The following COL18A1 variants were observed in gnomAD, a reference collection of about 807,000 sequenced individuals.
COL18A1 encodes collagen alpha-1(XVIII) chain.
A neutral mutation model predicts 168.0 loss-of-function variants in COL18A1; 133 were observed. That is an observed-to-expected ratio of 0.79 (90% CI 0.69 to 0.91). The LOEUF is 0.91. Ranked by LOEUF, COL18A1 falls within the 40% of genes least tolerant of loss-of-function variation. COL18A1 has a pLI of 0.00. For missense variants in COL18A1, 2,126 were observed against 1,925.4 expected (o/e 1.10, Z -1.95); for synonymous variants, 949 against 809.0 (o/e 1.17, Z -2.94).
At chr21:45,493,441 G>C in intron 25 of COL18A1, 60 bp from the exon 26 acceptor site, 4 of 1,470,848 alleles carry the variant, frequency 2.7e-6, no homozygotes, top group Non-Finnish European at 3.7e-6. Context: ...TCGGGGCTCT[G>C]GGTGAGGCTT....
At position 45,473,202 on chromosome 21, in the gene COL18A1, G is replaced by T. The variant is rs1377944182; in HGVS notation, c.652-693G>T. Among the ~76,000 whole-genome samples the T allele has an allele frequency of 6.6e-6, 1 of 152,190 alleles. No homozygotes were observed. Among genetic ancestry groups the T allele is most frequent in the Non-Finnish European group, 1.5e-5 (1 of 68,030 alleles). On this transcript the variant is annotated intron_variant, in intron 3 of 41. Coordinates refer to ENST00000651438, the MANE Select transcript of COL18A1 (RefSeq NM_001379500.1). This position sits in a 1 kb window ranked among gnomAD's most constrained non-coding sequence, Gnocchi z 4.0. ...CCTGTGTCCTTGCCCAGCATCCCCG[G>T]CCTGCATCTCACCAGGCACCGCCGG...
intron 2 of COL18A1, among the ~76,000 whole-genome samples, chr21:45,411,778 A>AGGGTGGGGGGGG (rs1569273645): frequency 1.8e-5 from 2 of 108,300 alleles, no homozygotes; most frequent in African/African-American, 8.2e-5. Context: ...GGGGGGGGGC[A>AGGGTGGGGGGGG]GGCTGTGGTC....
rs1022335129 is a variant in COL18A1 at position 45,483,753 on chromosome 21, G to A, written c.1701+932G>A. Among the ~76,000 whole-genome samples, 14 of 152,352 alleles carry A rather than the reference G, an allele frequency of 9.2e-5. No individual in the cohort carries two copies. The East Asian group carries it at 1.4e-3, about 15-fold the overall frequency. Reference sequence around the variant, plus strand: ...CAAGCTCCAGGATGGGGGTGATGAGGGAAGGAAGGCCAGTGGGGAGAGGAG... The same window carrying A: ...CAAGCTCCAGGATGGGGGTGATGAGAGAAGGAAGGCCAGTGGGGAGAGGAG... On this transcript the variant is annotated intron_variant, in intron 15 of 41. Transcript: ENST00000651438.
At chr21:45,440,359 G>A (rs565642242) in intron 2 of COL18A1, among the ~76,000 whole-genome samples, 5 of 152,340 alleles carry the variant, frequency 3.3e-5, no homozygotes, top group Non-Finnish European at 5.9e-5. Flanking sequence ...AGGAAAGCGG[G>A]TGCTTCAGGC....
At chr21:45,405,548 G>A (rs1391898672) in intron 2 of COL18A1, 75 bp downstream of exon 2, 3 of 954,850 alleles carry the variant, frequency 3.1e-6, no homozygotes, top group Non-Finnish European at 4.1e-6. Context: ...GTCCCCGCCC[G>A]GCTCCCTCAC....
At chr21:45,475,190 T>C (rs1252944721) in intron 4 of COL18A1, among the ~76,000 whole-genome samples, 1 of 152,176 alleles carries the variant, frequency 6.6e-6, no homozygotes, top group African/African-American at 2.4e-5. Flanking sequence ...GAGGAGCGCG[T>C]TCCCCCTCCC....
chr21:45,503,331 G>A (rs2036966398), intron 32 of COL18A1, among the ~76,000 whole-genome samples: 1 of 152,014 alleles, frequency 6.6e-6, no homozygotes, highest in African/African-American at 2.4e-5. Context: ...GTGATGATGA[G>A]CATTTTTTCA....
intron 2 of COL18A1, chr21:45,421,715 G>A (rs2033630158): frequency 2.3e-6 from 1 of 436,988 alleles, no homozygotes; most frequent in African/African-American, 2.0e-5. Context: ...TGCCTGCCTG[G>A]CACAGAGACC....
At position 45,426,441 on chromosome 21, in the gene COL18A1, C is replaced by T. The variant is rs369294709; in HGVS notation, c.106+20968C>T. Among the ~76,000 whole-genome samples, 29 of 152,292 alleles carry T rather than the reference C, an allele frequency of 1.9e-4. No homozygotes were observed. In the East Asian group the frequency reaches 4.1e-3, roughly 21 times the overall value. On this transcript the variant is annotated intron_variant, in intron 2 of 41. Coordinates refer to ENST00000651438, the MANE Select transcript of COL18A1 (RefSeq NM_001379500.1). The stretch of plus-strand genomic sequence containing the variant: ...TGGGAGAGGGCAGCCCCTGGTTCAG[C>T]GTGGCGAGGCTGCGCTTGCTCTCCC...
chr21:45,480,271 T>G lies in COL18A1; in HGVS notation c.1398+115T>G, dbSNP rs892765564. ...TCAGGGGCTTGCGTGGGGTCTTGGC[T>G]GAGCTGAGGGGTCACAGGTGTGGTG... On this transcript the variant is annotated intron_variant, in intron 11 of 41. Coordinates refer to ENST00000651438, the MANE Select transcript of COL18A1 (RefSeq NM_001379500.1). 4 of 1,178,718 alleles carry G rather than the reference T, an allele frequency of 3.4e-6. No homozygotes were observed. In the African/African-American group the frequency reaches 6.1e-5, roughly 18 times the overall value. 73.0% of individuals were successfully genotyped at this position (1,178,718 alleles called of 1,614,324 possible).
chr21:45,483,134 C>A (rs1001659444), intron 15 of COL18A1, among the ~76,000 whole-genome samples: 3 of 152,236 alleles, frequency 2.0e-5, no homozygotes, highest in South Asian at 2.1e-4. Flanking sequence ...GTGTGGCAAG[C>A]GCGATAAAGC....
chr21:45,504,271 T>A, intron 33 of COL18A1, 145 bp from the exon 34 acceptor site: 1 of 903,130 alleles, frequency 1.1e-6, no homozygotes, highest in East Asian at 2.6e-5. Context: ...AGGTGGGGAG[T>A]CGAGCCCTAT....
intron 9 of COL18A1, among the ~76,000 whole-genome samples, chr21:45,479,037 G>A (rs1343905816): frequency 6.6e-6 from 1 of 152,138 alleles, no homozygotes; most frequent in Admixed American, 6.5e-5. Context: ...TCGGCTGGGG[G>A]GCGGCACGGG....
chr21:45,509,373 C>T lies in COL18A1; in HGVS notation c.3267C>T (p.Ala1089=), dbSNP rs1206488535. Residue 1089 remains alanine, a synonymous_variant, in exon 39 of 42, where the codon GCC becomes GCT. Transcript: ENST00000651438. ...ACCTGCAGGACAATGAAGTGGCCGCCTTGCAGCCCCCCGTGGTGCAGCTGC... is the reference window on the plus strand; with the variant it reads ...ACCTGCAGGACAATGAAGTGGCCGCTTTGCAGCCCCCCGTGGTGCAGCTGC... ...LPRGTDNEVA[A]LQPPVVQLHD... The T allele has an allele frequency of 1.3e-6, 2 of 1,543,982 alleles. No homozygotes were observed. Among genetic ancestry groups the T allele is most frequent in the Admixed American group, 1.9e-5 (1 of 52,142 alleles).
chr21:45,411,435 G>T (rs1468013754), intron 2 of COL18A1, among the ~76,000 whole-genome samples: 1 of 152,120 alleles, frequency 6.6e-6, no homozygotes, highest in Non-Finnish European at 1.5e-5. Flanking sequence ...CCTTTTTCCT[G>T]TGTGCATTTT....
At chr21:45,456,088 C>A in intron 2 of COL18A1, 1 of 1,599,956 alleles carries the variant, frequency 6.3e-7, no homozygotes, top group Admixed American at 1.7e-5. Context: ...CCGAGGCTGG[C>A]ACCTTGCCTG....
intron 24 of COL18A1, 115 bp downstream of exon 24, chr21:45,492,828 G>A (rs116782206): frequency 4.6e-5 from 38 of 829,200 alleles, no homozygotes; most frequent in East Asian, 2.8e-4. Context: ...GAGGGATAGC[G>A]ACAGTCACTG....
chr21:45,440,776 A>G (rs1275182042), intron 2 of COL18A1, among the ~76,000 whole-genome samples: 5 of 152,160 alleles, frequency 3.3e-5, no homozygotes. Context: ...GATCGTGTCT[A>G]AGCTTTTTGG....
At chr21:45,499,498 A>G (rs369527707) in intron 32 of COL18A1, among the ~76,000 whole-genome samples, 5,501 of 42,524 alleles carry the variant, frequency 0.13, 371 homozygotes, top group African/African-American at 0.17. Context: ...AGGCTCCCTC[A>G]GGAACCTGTG....
Sources: allele counts gnomAD v4.1 joint callset (sites outside exome capture counted in the v4.1 genomes callset), GRCh38; gene constraint gnomAD v4.1.1; non-coding constraint Gnocchi (gnomAD v3.1); transcripts MANE v1.5; gene names NCBI Gene and HGNC (gene_info 2026-07-23, HGNC 2026-07-21).